The following MACC1 variants were observed in gnomAD, a reference collection of about 807,000 sequenced individuals.
MACC1 encodes the protein MET transcriptional regulator MACC1.
In MACC1, 79 loss-of-function variants were observed where a neutral mutation model predicts 70.7. That is an observed-to-expected ratio of 1.12 (90% CI 0.93 to 1.35). The LOEUF (loss-of-function observed/expected upper bound fraction) is 1.35, where lower values mean the gene tolerates loss of function less well. Among genes scored for constraint, MACC1 ranks in the 40% most tolerant of loss-of-function variants. The pLI is 0.00. For synonymous variants in MACC1, 361 were observed against 347.2 expected (o/e 1.04, Z -0.44); for missense variants, 1,106 against 978.1 (o/e 1.13, Z -1.74).
chr7:20,161,831 G>T lies in MACC1; in HGVS notation c.32C>A (p.Ser11Ter). Residue 11 changes from serine (S) to a stop codon, truncating the protein, a stop_gained, in exon 4 of 7, where the codon TCA (serine) becomes TAA (stop). Transcript: ENST00000400331. LOFTEE classifies it high-confidence loss of function. Reference sequence around the variant, plus strand: ...AGACATACTTTGTGCAATTCTTCCTGACCGAAAATGTTTTCTTTCAGTGAT... The same window carrying T: ...AGACATACTTTGTGCAATTCTTCCTTACCGAAAATGTTTTCTTTCAGTGAT... MLITERKHFR[S>*]GRIAQSMSEA... 2 of 1,612,076 alleles carry T rather than the reference G, an allele frequency of 1.2e-6. No homozygotes were observed. The highest frequency in any genetic ancestry group is 2.2e-5 in the South Asian group (2 of 90,946).
rs921061343 is a variant in MACC1, at chr7:20,136,424, G to T, written c.*4522C>A. On this transcript the variant is annotated 3_prime_UTR_variant, in exon 7 of 7. Coordinates refer to ENST00000400331, the MANE Select transcript of MACC1 (RefSeq NM_182762.4). The stretch of plus-strand genomic sequence containing the variant: ...CAAAATTACAAAACTATTTATTAGG[G>T]TTAAAACTTTCTAGATGTACATAAA... 4.6e-5 allele frequency: 7 copies of T among 152,056 alleles called. No homozygotes were observed. Among genetic ancestry groups the T allele is most frequent in the African/African-American group, 1.7e-4 (7 of 41,384 alleles). 9.4% of individuals were successfully genotyped at this position (152,056 alleles called of 1,614,324 possible). A position where few individuals can be genotyped will look rare whatever the true frequency, so the allele number is the denominator to read the frequency against.
At chr7:20,167,251 A>G (rs1782234932) in intron 2 of MACC1, among the ~76,000 whole-genome samples, 1 of 151,658 alleles carries the variant, frequency 6.6e-6, no homozygotes, top group South Asian at 2.1e-4. Context: ...GCTGGAGTGC[A>G]GTGGTGTGAT....
intron 6 of MACC1, chr7:20,147,480 G>C (rs1024535616): frequency 1.3e-5 from 2 of 152,190 alleles, no homozygotes; most frequent in African/African-American, 4.8e-5. Context: ...AGGCAAGGTT[G>C]CCTTCTTAAT....
intron 1 of MACC1, among the ~76,000 whole-genome samples, chr7:20,190,845 T>A (rs928430481): frequency 1.7e-4 from 26 of 152,204 alleles, no homozygotes; most frequent in African/African-American, 6.3e-4. Flanking sequence ...AACATAAGTA[T>A]CACTCCCAAG....
At chr7:20,173,509 G>T (rs904677941) in intron 1 of MACC1, among the ~76,000 whole-genome samples, 1 of 152,106 alleles carries the variant, frequency 6.6e-6, no homozygotes, top group Non-Finnish European at 1.5e-5. Context: ...CCTTTGAATT[G>T]TAAGATCTAG....
chr7:20,215,792 TTAAGA>T (rs1783061142), intron 1 of MACC1, among the ~76,000 whole-genome samples: 1 of 152,214 alleles, frequency 6.6e-6, no homozygotes, highest in South Asian at 2.1e-4. Flanking sequence ...CCAATACATT[TTAAGA>T]TAAGATGGTG....
chr7:20,159,235 C>T lies in MACC1; in HGVS notation c.1126G>A (p.Gly376Arg), dbSNP rs1474575069. Residue 376 changes from glycine (G) to arginine (R), a missense_variant, in exon 5 of 7, where the codon GGA becomes AGA. Gly to Arg is a moderately radical substitution (Grantham distance 125). Transcript: ENST00000400331. ...IHKTTSIGIYGPKYIHPSFTV... is the reference protein window; with the variant it reads ...IHKTTSIGIYRPKYIHPSFTV... ...AAACTGGGATGGATATATTTGGGTC[C>T]ATAAATTCCAATTGAGGTGGTTTTG... The T allele has an allele frequency of 1.2e-6, 2 of 1,613,750 alleles. No individual in the cohort carries two copies. The highest frequency in any genetic ancestry group is 2.2e-5 in the East Asian group (1 of 44,872).
intron 1 of MACC1, among the ~76,000 whole-genome samples, chr7:20,189,358 T>A (rs950959860): frequency 1.3e-5 from 2 of 152,216 alleles, no homozygotes; most frequent in Non-Finnish European, 2.9e-5. Context: ...TTGTTCACTC[T>A]TGTATCCCCA....
chr7:20,200,141 C>G (rs1782811903), intron 1 of MACC1, among the ~76,000 whole-genome samples: 1 of 150,766 alleles, frequency 6.6e-6, no homozygotes. Context: ...CAATAAACAC[C>G]TAGGAGTGTG....
chr7:20,185,365 C>A (rs1383549723), intron 1 of MACC1, among the ~76,000 whole-genome samples: 1 of 152,076 alleles, frequency 6.6e-6, no homozygotes, highest in African/African-American at 2.4e-5. Context: ...ACCAAGGAGG[C>A]ATCAACTGAA....
chr7:20,184,215 AC>A (rs909231547), intron 1 of MACC1, among the ~76,000 whole-genome samples: 1 of 152,060 alleles, frequency 6.6e-6, no homozygotes, highest in African/African-American at 2.4e-5. Flanking sequence ...ATTTTAGTGC[AC>A]CCATCACCCA....
chr7:20,143,178 G>A (rs1215053727), intron 6 of MACC1, among the ~76,000 whole-genome samples: 1 of 152,178 alleles, frequency 6.6e-6, no homozygotes, highest in East Asian at 1.9e-4. Context: ...CTTGCGGCAG[G>A]ACTGTGAATT....
At chr7:20,210,130 T>C (rs1782974701) in intron 1 of MACC1, among the ~76,000 whole-genome samples, 1 of 152,134 alleles carries the variant, frequency 6.6e-6, no homozygotes. Context: ...CACACAAACC[T>C]TAAAGGTATG....
At chr7:20,196,335 C>T (rs1053642401) in intron 1 of MACC1, among the ~76,000 whole-genome samples, 1 of 152,064 alleles carries the variant, frequency 6.6e-6, no homozygotes, top group Non-Finnish European at 1.5e-5. Flanking sequence ...CGCCCGCCAC[C>T]ACGCCCGGCT....
At chr7:20,141,287 A>C (rs1781797000) in intron 6 of MACC1, 129 bp from the exon 7 acceptor site, 2 of 558,520 alleles carry the variant, frequency 3.6e-6, no homozygotes, top group Non-Finnish European at 3.0e-6. Flanking sequence ...ACATGGACTT[A>C]TTTGATGTCA....
chr7:20,190,397 A>G lies in MACC1; in HGVS notation c.-217-19619T>C, dbSNP rs1198614798. ...CATTTATTTTTTTAGCATTTGTATG[A>G]TATCTAATAACCACAAATTAATTAA... On this transcript the variant is annotated intron_variant, in intron 1 of 6. Coordinates refer to ENST00000400331, the MANE Select transcript of MACC1 (RefSeq NM_182762.4). 2.0e-5 allele frequency among the ~76,000 whole-genome samples: 3 copies of G among 152,144 alleles called. 1 individual carries two copies. In the South Asian group the frequency reaches 6.2e-4, roughly 31 times the overall value.
At chr7:20,208,422 G>T (rs1052585104) in intron 1 of MACC1, among the ~76,000 whole-genome samples, 2 of 152,174 alleles carry the variant, frequency 1.3e-5, no homozygotes, top group African/African-American at 4.8e-5. Flanking sequence ...TTGAAGCTGA[G>T]GTGGTCTCAG....
intron 1 of MACC1, among the ~76,000 whole-genome samples, chr7:20,174,169 A>C (rs1782357574): frequency 6.6e-6 from 1 of 152,186 alleles, no homozygotes; most frequent in African/African-American, 2.4e-5. Context: ...TATTGGTGTA[A>C]TTATTAAAAT....
At chr7:20,196,724 G>T (rs1048896090) in intron 1 of MACC1, among the ~76,000 whole-genome samples, 3 of 151,984 alleles carry the variant, frequency 2.0e-5, no homozygotes, top group African/African-American at 7.3e-5. Flanking sequence ...CATTTAAATT[G>T]TTCCAAACAT....
Sources: gnomAD v4.1 joint callset for allele counts (sites outside exome capture counted in the v4.1 genomes callset) on GRCh38, gnomAD v4.1.1 for gene constraint, MANE v1.5 for transcripts, NCBI Gene and HGNC (gene_info 2026-07-23, HGNC 2026-07-21) for gene names.